Variants in NTM observed in about 807,000 individuals in gnomAD.
The protein encoded by NTM is IgLON family member 2.
A neutral mutation model predicts 42.1 loss-of-function variants in NTM; 13 were observed. That is an observed-to-expected ratio of 0.31 (90% CI 0.20 to 0.49). NTM has a LOEUF of 0.49. NTM is among the 20% of genes least tolerant of loss of function. The pLI is 0.99. For synonymous variants in NTM, 187 were observed against 179.2 expected (o/e 1.04, Z -0.35); for missense variants, 373 against 452.8 (o/e 0.82, Z 1.60).
chr11:132,003,265 TTTTTG>T lies in NTM; in HGVS notation c.167+91618_167+91622del, dbSNP rs984837273. On this transcript the variant is annotated intron_variant, in intron 2 of 8. Transcript: ENST00000683400. The surrounding 1 kb of genome is among the most constrained non-coding windows in gnomAD (Gnocchi z 6.0). The stretch of plus-strand genomic sequence containing the variant: ...CCTTAGAGTTTTTTTTTCTTTTTTT[TTTTTG>T]ACAGGTTATTTGTTGCCCAGGTTGG... Among the ~76,000 whole-genome samples the T allele has an allele frequency of 1.3e-5, 2 of 151,988 alleles. No homozygotes were observed. Among genetic ancestry groups the T allele is most frequent in the African/African-American group, 2.4e-5 (1 of 41,370 alleles).
At position 131,454,333 on chromosome 11, in the gene NTM, C is replaced by G. The variant is rs377758657; in HGVS notation, c.82+83445C>G. Among the ~76,000 whole-genome samples, 80 of 152,328 alleles carry G rather than the reference C, an allele frequency of 5.3e-4. No homozygotes were observed. The South Asian group carries it at 0.016, about 31-fold the overall frequency. ...TCTGTACTATCCACTGTTTCACACACCCAGTGGAAGCTGTGGAACACATCC... is the reference window on the plus strand; with the variant it reads ...TCTGTACTATCCACTGTTTCACACAGCCAGTGGAAGCTGTGGAACACATCC... On this transcript the variant is annotated intron_variant, in intron 1 of 8. Transcript: ENST00000683400.
At chr11:131,612,064 C>T (rs1202065157) in intron 1 of NTM, among the ~76,000 whole-genome samples, 3 of 152,118 alleles carry the variant, frequency 2.0e-5, no homozygotes, top group African/African-American at 4.8e-5. Context: ...TCACATTTGC[C>T]ACCACATCCT....
intron 1 of NTM, chr11:131,537,470 C>T (rs1322051806): frequency 1.3e-5 from 2 of 152,230 alleles, no homozygotes; most frequent in African/African-American, 4.8e-5. Context: ...TAAACAACCA[C>T]ACCTCCTCCC....
At chr11:131,442,660 A>G (rs1207650922) in intron 1 of NTM, among the ~76,000 whole-genome samples, 1 of 152,166 alleles carries the variant, frequency 6.6e-6, no homozygotes, top group Non-Finnish European at 1.5e-5. Flanking sequence ...CTTATAAGTG[A>G]GAACATGCAG....
rs536911850 is a variant in NTM, at chr11:131,380,617, C to T, written c.82+9729C>T. Among the ~76,000 whole-genome samples, 533 of 152,222 alleles carry T rather than the reference C, an allele frequency of 3.5e-3. 1 individual carries two copies. The highest frequency in any genetic ancestry group is 6.0e-3 in the Non-Finnish European group (405 of 68,030). On this transcript the variant is annotated intron_variant, in intron 1 of 8. Transcript: ENST00000683400. ...GTGACCTATTTACATGTCTATCTCC[C>T]CTTCCCAGGCTGTGGGCTCCAGAAG...
intron 2 of NTM, among the ~76,000 whole-genome samples, chr11:132,038,891 A>G (rs1165155236): frequency 6.6e-6 from 1 of 151,796 alleles, no homozygotes; most frequent in Non-Finnish European, 1.5e-5. Context: ...TGTGGTCTCC[A>G]CCTCCACAAT....
chr11:131,866,125 TCA>T (rs2047181359), intron 1 of NTM, among the ~76,000 whole-genome samples: 1 of 150,572 alleles, frequency 6.6e-6, no homozygotes, highest in African/African-American at 2.4e-5. Context: ...CACACATGCC[TCA>T]CATACACATG....
At chr11:131,383,401 G>C (rs939300199) in intron 1 of NTM, among the ~76,000 whole-genome samples, 6 of 152,190 alleles carry the variant, frequency 3.9e-5, no homozygotes, top group Admixed American at 3.3e-4. Flanking sequence ...CAGCATTTGG[G>C]AGACTTTTCA....
chr11:131,996,181 G>A (rs76924603), intron 2 of NTM, among the ~76,000 whole-genome samples: 2,893 of 152,176 alleles, frequency 0.019, 96 homozygotes, highest in African/African-American at 0.066. Flanking sequence ...TTTCAGTAGG[G>A]ACATGATCAA....
chr11:131,580,551 G>A (rs953586503), intron 1 of NTM, among the ~76,000 whole-genome samples: 9 of 152,158 alleles, frequency 5.9e-5, no homozygotes, highest in Non-Finnish European at 1.0e-4. Flanking sequence ...GGGCTATTCC[G>A]TAGGGCTGAG....
chr11:132,252,608 A>G (rs980975569), intron 4 of NTM, among the ~76,000 whole-genome samples: 7 of 152,208 alleles, frequency 4.6e-5, no homozygotes, highest in Admixed American at 3.9e-4. Flanking sequence ...TTGGTTAATA[A>G]AAGAGAGAGA....
intron 1 of NTM, among the ~76,000 whole-genome samples, chr11:131,789,788 C>G (rs1314091817): frequency 9.9e-6 from 1 of 101,132 alleles, no homozygotes; most frequent in Non-Finnish European, 2.3e-5. Flanking sequence ...AACCCCGTCT[C>G]TACTAAAAAT....
chr11:132,099,301 G>A (rs1018674644), intron 2 of NTM, among the ~76,000 whole-genome samples: 2 of 152,176 alleles, frequency 1.3e-5, no homozygotes, highest in Non-Finnish European at 2.9e-5. Flanking sequence ...ATTCCATTTG[G>A]AAAGTGTCTT....
chr11:132,320,905 A>G (rs1431073873), intron 7 of NTM, among the ~76,000 whole-genome samples: 10 of 151,428 alleles, frequency 6.6e-5, no homozygotes, highest in African/African-American at 9.8e-5. Context: ...GGCACCCCCC[A>G]GCAGGGCCAC....
chr11:132,188,438 C>G (rs1296614898), intron 3 of NTM, among the ~76,000 whole-genome samples: 1 of 152,126 alleles, frequency 6.6e-6, no homozygotes, highest in Non-Finnish European at 1.5e-5. Flanking sequence ...GTTCCTTCTC[C>G]TCCCAGACTC....
At chr11:131,653,587 A>G (rs1343488823) in intron 1 of NTM, among the ~76,000 whole-genome samples, 4 of 152,196 alleles carry the variant, frequency 2.6e-5, no homozygotes, top group African/African-American at 9.7e-5. Flanking sequence ...GGCAATCCTC[A>G]TCTGTGCAAA....
chr11:132,163,757 T>C (rs1242359179), intron 3 of NTM, among the ~76,000 whole-genome samples: 1 of 152,236 alleles, frequency 6.6e-6, no homozygotes, highest in African/African-American at 2.4e-5. Flanking sequence ...GAAGCCTCCT[T>C]GGAGGCCACC....
intron 1 of NTM, among the ~76,000 whole-genome samples, chr11:131,393,685 C>T (rs1944265989): frequency 6.6e-6 from 1 of 152,196 alleles, no homozygotes. Context: ...GCCCATGCCT[C>T]TCTCTCTCCG....
At chr11:131,593,837 CTGTT>C (rs1405834250) in intron 1 of NTM, among the ~76,000 whole-genome samples, 1 of 152,210 alleles carries the variant, frequency 6.6e-6, no homozygotes, top group Non-Finnish European at 1.5e-5. Context: ...TTATGATTAT[CTGTT>C]TGTCTGTCTT....
Sources: allele counts gnomAD v4.1 joint callset (sites outside exome capture counted in the v4.1 genomes callset), GRCh38; gene constraint gnomAD v4.1.1; non-coding constraint Gnocchi (gnomAD v3.1); transcripts MANE v1.5; gene names NCBI Gene and HGNC (gene_info 2026-07-23, HGNC 2026-07-21).